The following GLI3 variants were observed in gnomAD, a reference collection of about 807,000 sequenced individuals.
GLI3 encodes transcription activator GLI3.
GLI3 carries 20 observed loss-of-function variants against 100.8 expected under a neutral mutation model. The observed-to-expected ratio is 0.20, with a 90% CI of 0.14 to 0.29. The LOEUF is 0.29. Ranked by LOEUF, GLI3 falls within the 10% of genes least tolerant of loss-of-function variation. The probability of loss-of-function intolerance (pLI) is 1.00; values close to 1 mark genes in which losing one functional copy is unlikely to be tolerated. For synonymous variants in GLI3, 938 were observed against 860.5 expected (o/e 1.09, Z -1.58); for missense variants, 2,040 against 2,128.5 (o/e 0.96, Z 0.82).
intron 2 of GLI3, among the ~76,000 whole-genome samples, chr7:42,215,303 A>G (rs915786727): frequency 2.6e-5 from 4 of 152,192 alleles, no homozygotes; most frequent in African/African-American, 9.7e-5. Flanking sequence ...ACCAAATAAT[A>G]AACTAAAGCA....
intron 3 of GLI3, among the ~76,000 whole-genome samples, chr7:42,083,632 A>G (rs527613166): frequency 6.6e-6 from 1 of 152,368 alleles, no homozygotes; most frequent in African/African-American, 2.4e-5. Context: ...ATTCCAGTGT[A>G]CCATGATAAA....
upstream of GLI3, among the ~76,000 whole-genome samples, chr7:42,237,451 G>A (rs561332478): frequency 6.6e-6 from 1 of 152,178 alleles, no homozygotes; most frequent in African/African-American, 2.4e-5. Flanking sequence ...GCCCCGTGCT[G>A]GGTGGAGAAG....
intron 2 of GLI3, among the ~76,000 whole-genome samples, chr7:42,182,644 G>GTATATATATATA (rs764864618): frequency 1.5e-4 from 8 of 51,660 alleles, no homozygotes; most frequent in Admixed American, 6.9e-4. Context: ...ATATGTGTGT[G>GTATATATATATA]TATATATATA....
intron 2 of GLI3, among the ~76,000 whole-genome samples, chr7:42,182,402 A>G (rs180861962): frequency 2.5e-4 from 38 of 151,816 alleles, no homozygotes; most frequent in Non-Finnish European, 3.4e-4. Flanking sequence ...TTCTCCAAAT[A>G]GTACCAAAGA....
chr7:42,097,802 G>T (rs183640748), intron 3 of GLI3, among the ~76,000 whole-genome samples: 1 of 152,146 alleles, frequency 6.6e-6, no homozygotes, highest in Non-Finnish European at 1.5e-5. Context: ...AAGGGCCTCA[G>T]TTCTGCTCAG....
At chr7:42,182,486 A>G (rs927985371) in intron 2 of GLI3, among the ~76,000 whole-genome samples, 1 of 151,000 alleles carries the variant, frequency 6.6e-6, no homozygotes, top group Non-Finnish European at 1.5e-5. Flanking sequence ...CTCTTTACCC[A>G]AAGAGCCGAA....
At chr7:42,047,441 T>C (rs1174746848) in intron 5 of GLI3, among the ~76,000 whole-genome samples, 1 of 152,172 alleles carries the variant, frequency 6.6e-6, no homozygotes, top group Non-Finnish European at 1.5e-5. Context: ...AAATGCCTGG[T>C]GTTTCTCTGA....
At chr7:42,096,889 T>C (rs1359595219) in intron 3 of GLI3, among the ~76,000 whole-genome samples, 1 of 152,200 alleles carries the variant, frequency 6.6e-6, no homozygotes, top group Non-Finnish European at 1.5e-5. Context: ...GGGGAAACAC[T>C]TGGAGGCTGT....
intron 3 of GLI3, among the ~76,000 whole-genome samples, chr7:42,139,209 T>G (rs1027623685): frequency 5.9e-5 from 9 of 152,232 alleles, no homozygotes. Flanking sequence ...AAGTGGAAAT[T>G]AAAATGTGCC....
chr7:42,115,743 A>AT (rs1289962713), intron 3 of GLI3, among the ~76,000 whole-genome samples: 1 of 152,110 alleles, frequency 6.6e-6, no homozygotes, highest in Non-Finnish European at 1.5e-5. Context: ...GAGTGAGGTT[A>AT]TTTTAAGGTG....
At position 41,972,354 on chromosome 7, in the gene GLI3, T is replaced by G. The variant is rs532129441; in HGVS notation, c.2086A>C (p.Lys696Gln). 8.1e-6 allele frequency: 13 copies of G among 1,613,992 alleles called. No individual in the cohort carries two copies. The highest frequency in any genetic ancestry group is 5.9e-6 in the Non-Finnish European group (7 of 1,180,006). The change falls in exon 13 of 15, where the codon AAG becomes CAG. Residue 696 changes from lysine to glutamine, a missense_variant. Transcript: ENST00000395925. This position sits in a 1 kb window ranked among gnomAD's most constrained non-coding sequence, Gnocchi z 4.4. ...REECLQVKTVKAEKPMTSQPS... is the reference protein window; with the variant it reads ...REECLQVKTVQAEKPMTSQPS... Reference sequence around the variant, plus strand: ...TGACATACCATTGGCTTCTCTGCCTTGACGGTTTTCACCTGGAGGCATTCT... The same window carrying G: ...TGACATACCATTGGCTTCTCTGCCTGGACGGTTTTCACCTGGAGGCATTCT...
intron 7 of GLI3, among the ~76,000 whole-genome samples, chr7:42,038,003 A>C (rs1229750057): frequency 6.6e-6 from 1 of 152,246 alleles, no homozygotes; most frequent in Non-Finnish European, 1.5e-5. Flanking sequence ...GAGCAAGAGG[A>C]AAGAAAAAGT....
At chr7:42,166,827 A>ATT (rs1218186592) in intron 2 of GLI3, among the ~76,000 whole-genome samples, 3 of 113,322 alleles carry the variant, frequency 2.6e-5, no homozygotes, top group East Asian at 2.4e-4. Flanking sequence ...GACCAGCTAA[A>ATT]TTTTTTTTTT....
chr7:42,261,792 G>A (rs1789142875), intron 1 of GLI3, among the ~76,000 whole-genome samples: 1 of 152,056 alleles, frequency 6.6e-6, no homozygotes, highest in South Asian at 2.1e-4. Flanking sequence ...AGAGATTTAA[G>A]TGAATTGAAA....
chr7:42,218,517 A>C (rs1241677215), intron 2 of GLI3, among the ~76,000 whole-genome samples: 2 of 151,858 alleles, frequency 1.3e-5, no homozygotes, highest in African/African-American at 4.8e-5. Context: ...GGACAATTTA[A>C]AAGCAAATTG....
intron 2 of GLI3, among the ~76,000 whole-genome samples, chr7:42,196,072 C>G (rs1476911567): frequency 1.3e-5 from 2 of 152,210 alleles, no homozygotes; most frequent in African/African-American, 4.8e-5. Flanking sequence ...ACAGCCTCCC[C>G]TATCCTCACT....
intron 10 of GLI3, among the ~76,000 whole-genome samples, chr7:42,020,210 G>A (rs971438265): frequency 1.3e-5 from 2 of 152,150 alleles, no homozygotes; most frequent in African/African-American, 2.4e-5. Context: ...ACTACCTGGC[G>A]GGCAAAGTCA....
At chr7:41,987,111 C>CACACACACAG (rs1332531953) in intron 10 of GLI3, among the ~76,000 whole-genome samples, 1 of 151,470 alleles carries the variant, frequency 6.6e-6, no homozygotes, top group African/African-American at 2.4e-5. Context: ...GACACACACA[C>CACACACACAG]ACACACACAC....
chr7:42,222,258 T>C (rs61184624), intron 2 of GLI3, among the ~76,000 whole-genome samples: 4,528 of 152,250 alleles, frequency 0.03, 213 homozygotes, highest in African/African-American at 0.1. Flanking sequence ...GGTTGACTCA[T>C]ACAAATCAGT....
Sources: allele counts gnomAD v4.1 joint callset (sites outside exome capture counted in the v4.1 genomes callset), GRCh38; gene constraint gnomAD v4.1.1; non-coding constraint Gnocchi (gnomAD v3.1); transcripts MANE v1.5; gene names NCBI Gene and HGNC (gene_info 2026-07-23, HGNC 2026-07-21).